The following DRC11 variants were observed in gnomAD, a reference collection of about 807,000 sequenced individuals.
DRC11 encodes dynein regulatory complex subunit 11, also known as IQ and AAA domain-containing protein 1.
chr2:236,485,789 C>T, the DRC11 span, among the ~76,000 whole-genome samples: 4 of 152,174 alleles, frequency 2.6e-5, no homozygotes, highest in Non-Finnish European at 5.9e-5. Flanking sequence ...AGAATGGGCT[C>T]CTGTGGGAGG....
At chr2:236,461,787 G>A in the DRC11 span, among the ~76,000 whole-genome samples, 35 of 152,298 alleles carry the variant, frequency 2.3e-4, no homozygotes, top group African/African-American at 8.2e-4. This position sits in a 1 kb window ranked among gnomAD's most constrained non-coding sequence, Gnocchi z 4.0. Context: ...AGCTTACACA[G>A]CTATTTTGTG....
the DRC11 span, among the ~76,000 whole-genome samples, chr2:236,491,131 ATATATATACAG>A: frequency 8.7e-6 from 1 of 115,524 alleles, no homozygotes; most frequent in Non-Finnish European, 1.7e-5. Flanking sequence ...GTGTATATAT[ATATATATACAG>A]TATATATATA....
the DRC11 span, among the ~76,000 whole-genome samples, chr2:236,320,836 C>G: frequency 6.6e-6 from 1 of 151,490 alleles, no homozygotes; most frequent in African/African-American, 2.4e-5. Flanking sequence ...CCGCCGGTAC[C>G]CCCCCGCCCC....
the DRC11 span, among the ~76,000 whole-genome samples, chr2:236,377,590 G>A: frequency 6.6e-6 from 1 of 152,262 alleles, no homozygotes; most frequent in Non-Finnish European, 1.5e-5. This position sits in a 1 kb window ranked among gnomAD's most constrained non-coding sequence, Gnocchi z 4.9. Flanking sequence ...TTAATCCTTT[G>A]TGAAATTTAT....
chr2:236,374,772 C>T, the DRC11 span, among the ~76,000 whole-genome samples: 1 of 151,998 alleles, frequency 6.6e-6, no homozygotes, highest in Non-Finnish European at 1.5e-5. Flanking sequence ...CTCACTGCAA[C>T]CTCCACCTCC....
chr2:236,358,147 A>ATATACTATAT, the DRC11 span, among the ~76,000 whole-genome samples: 1 of 124,138 alleles, frequency 8.1e-6, no homozygotes, highest in Non-Finnish European at 1.6e-5. Flanking sequence ...ATATATAAAT[A>ATATACTATAT]GATATATACT....
chr2:236,464,748 C>T, the DRC11 span, among the ~76,000 whole-genome samples: 1 of 151,900 alleles, frequency 6.6e-6, no homozygotes, highest in Non-Finnish European at 1.5e-5. Context: ...GGGGTGGATC[C>T]CTCATGGCCT....
At chr2:236,364,217 C>CCTTCAATACCCTT in the DRC11 span, among the ~76,000 whole-genome samples, 1 of 151,652 alleles carries the variant, frequency 6.6e-6, no homozygotes, top group Non-Finnish European at 1.5e-5. Context: ...TCCTTAATAC[C>CCTTCAATACCCTT]CTTCTCCCCC....
the DRC11 span, among the ~76,000 whole-genome samples, chr2:236,315,802 G>A: frequency 1.3e-5 from 2 of 152,062 alleles, no homozygotes; most frequent in African/African-American, 4.8e-5. This position sits in a 1 kb window ranked among gnomAD's most constrained non-coding sequence, Gnocchi z 5.1. Context: ...TGAACAATGA[G>A]AACGTGGACA....
chr2:236,434,550 C>T, the DRC11 span, among the ~76,000 whole-genome samples: 2 of 152,138 alleles, frequency 1.3e-5, no homozygotes, highest in Non-Finnish European at 2.9e-5. This position sits in a 1 kb window ranked among gnomAD's most constrained non-coding sequence, Gnocchi z 5.5. Context: ...AAAACTGAAT[C>T]GGAGTGTGGG....
chr2:236,496,405 G>A, the DRC11 span, among the ~76,000 whole-genome samples: 6 of 152,196 alleles, frequency 3.9e-5, no homozygotes, highest in African/African-American at 1.4e-4. The surrounding 1 kb of genome is among the most constrained non-coding windows in gnomAD (Gnocchi z 6.3). Flanking sequence ...TTTACTTCAA[G>A]GAAATGTTCC....
At chr2:236,470,649 ATATATC>A in the DRC11 span, among the ~76,000 whole-genome samples, 2 of 152,246 alleles carry the variant, frequency 1.3e-5, no homozygotes, top group Non-Finnish European at 2.9e-5. This position sits in a 1 kb window ranked among gnomAD's most constrained non-coding sequence, Gnocchi z 5.1. Flanking sequence ...TTTCAGAGTA[ATATATC>A]TATATTTATG....
chr2:236,416,246 C>T, the DRC11 span, among the ~76,000 whole-genome samples: 1 of 152,256 alleles, frequency 6.6e-6, no homozygotes, highest in Non-Finnish European at 1.5e-5. Flanking sequence ...TTGGAGTTGT[C>T]CAGGCAAGGT....
chr2:236,385,260 C>A, the DRC11 span, among the ~76,000 whole-genome samples: 1 of 148,086 alleles, frequency 6.8e-6, no homozygotes, highest in South Asian at 2.2e-4. Context: ...GCAGTATGGC[C>A]ATTTTCACGA....
the DRC11 span, among the ~76,000 whole-genome samples, chr2:236,464,843 G>T: frequency 1.3e-5 from 2 of 152,028 alleles, no homozygotes; most frequent in Admixed American, 1.3e-4. Context: ...CGCCAACCCC[G>T]CACTCTCTCT....
the DRC11 span, among the ~76,000 whole-genome samples, chr2:236,429,816 C>T: frequency 6.6e-6 from 1 of 152,202 alleles, no homozygotes; most frequent in East Asian, 1.9e-4. This position sits in a 1 kb window ranked among gnomAD's most constrained non-coding sequence, Gnocchi z 5.9. Context: ...CACCTGGAGA[C>T]TGTGAAGGTG....
chr2:236,364,047 A>G, the DRC11 span: 10 of 1,384,734 alleles, frequency 7.2e-6, no homozygotes, highest in Admixed American at 9.7e-5. Context: ...AACTAGGATA[A>G]CTCAAGGTCA....
At chr2:236,357,147 ATATT>A in the DRC11 span, among the ~76,000 whole-genome samples, 7 of 121,298 alleles carry the variant, frequency 5.8e-5, no homozygotes, top group Non-Finnish European at 9.9e-5. Flanking sequence ...ATATATCTAT[ATATT>A]ATGTATTCAT....
At chr2:236,457,022 G>A in the DRC11 span, among the ~76,000 whole-genome samples, 1 of 152,154 alleles carries the variant, frequency 6.6e-6, no homozygotes, top group African/African-American at 2.4e-5. The surrounding 1 kb of genome is among the most constrained non-coding windows in gnomAD (Gnocchi z 4.7). Flanking sequence ...TGGGCTTCAG[G>A]CTTCTCTGTT....
Sources: allele counts gnomAD v4.1 joint callset (sites outside exome capture counted in the v4.1 genomes callset), GRCh38; gene constraint gnomAD v4.1.1; non-coding constraint Gnocchi (gnomAD v3.1); transcripts MANE v1.5; gene names NCBI Gene and HGNC (gene_info 2026-07-23, HGNC 2026-07-21).